PXYLP1: variants seen among roughly 807,000 people sequenced by gnomAD.
The protein encoded by PXYLP1 is acid phosphatase-like 2.
Under a neutral mutation model 37.9 loss-of-function variants are expected in PXYLP1, and 17 were observed. That is an observed-to-expected ratio of 0.45 (90% CI 0.31 to 0.67). The LOEUF is 0.67. Ranked by LOEUF, PXYLP1 falls within the 30% of genes least tolerant of loss-of-function variation. PXYLP1 has a pLI of 0.07. For synonymous variants in PXYLP1, 221 were observed against 232.2 expected (o/e 0.95, Z 0.44); for missense variants, 511 against 612.0 (o/e 0.84, Z 1.74).
chr3:141,253,138 G>A (rs1240942043), intron 1 of PXYLP1, among the ~76,000 whole-genome samples: 1 of 152,202 alleles, frequency 6.6e-6, no homozygotes, highest in Non-Finnish European at 1.5e-5. Flanking sequence ...AGTCAGCTTA[G>A]TGCCCAGAGG....
At chr3:141,290,586 A>G (rs1193376270) in intron 5 of PXYLP1, among the ~76,000 whole-genome samples, 5 of 152,142 alleles carry the variant, frequency 3.3e-5, no homozygotes, top group African/African-American at 1.2e-4. Context: ...CCCTAGGGAG[A>G]GAAAGGGGAA....
chr3:141,261,448 A>AT (rs1010075249), intron 2 of PXYLP1, among the ~76,000 whole-genome samples: 7 of 152,172 alleles, frequency 4.6e-5, no homozygotes, highest in Non-Finnish European at 7.3e-5. Flanking sequence ...GATTAGTGCC[A>AT]TTTTTTTCAG....
intron 1 of PXYLP1, among the ~76,000 whole-genome samples, chr3:141,259,003 C>A (rs972283458): frequency 1.7e-4 from 26 of 152,196 alleles, no homozygotes; most frequent in Non-Finnish European, 3.5e-4. Context: ...CTACTGGGCC[C>A]TTGGGGAGGA....
At chr3:141,271,476 G>A (rs1406674105) in intron 2 of PXYLP1, among the ~76,000 whole-genome samples, 2 of 152,188 alleles carry the variant, frequency 1.3e-5, no homozygotes, top group African/African-American at 2.4e-5. Flanking sequence ...AGTGGAGCTG[G>A]ACCTTGGCCC....
intron 1 of PXYLP1, among the ~76,000 whole-genome samples, chr3:141,252,209 G>T (rs1044707245): frequency 5.9e-5 from 9 of 152,176 alleles, no homozygotes; most frequent in African/African-American, 2.2e-4. Context: ...GCAGGGCAAA[G>T]AACATTGAGT....
chr3:141,280,888 G>C (rs1411788924), intron 4 of PXYLP1, among the ~76,000 whole-genome samples: 5 of 152,190 alleles, frequency 3.3e-5, no homozygotes, highest in African/African-American at 1.2e-4. Flanking sequence ...CTAGCTGGCG[G>C]TCCACAAGTT....
At chr3:141,238,412 C>T (rs1179684681) in intron 1 of PXYLP1, among the ~76,000 whole-genome samples, 1 of 152,210 alleles carries the variant, frequency 6.6e-6, no homozygotes, top group Non-Finnish European at 1.5e-5. Flanking sequence ...CCAGAAAATC[C>T]TTCTGTGATT....
intron 1 of PXYLP1, among the ~76,000 whole-genome samples, chr3:141,237,092 G>C (rs16851162): frequency 0.019 from 2,829 of 152,254 alleles, 104 homozygotes; most frequent in African/African-American, 0.064. Flanking sequence ...TGGTTAAAAG[G>C]CTTCCTCTAG....
chr3:141,262,447 G>A (rs1002350425), intron 2 of PXYLP1: 5 of 722,992 alleles, frequency 6.9e-6, no homozygotes, highest in African/African-American at 5.5e-5. Context: ...ATTTTGAGAG[G>A]CTGACAGGTT....
chr3:141,289,711 A>G (rs911015919), intron 5 of PXYLP1, among the ~76,000 whole-genome samples: 17 of 152,172 alleles, frequency 1.1e-4, no homozygotes, highest in Non-Finnish European at 2.5e-4. Context: ...TTACAGTCCC[A>G]GCCACACACA....
At chr3:141,252,373 T>C (rs998834031) in intron 1 of PXYLP1, among the ~76,000 whole-genome samples, 2 of 152,168 alleles carry the variant, frequency 1.3e-5, no homozygotes, top group Non-Finnish European at 2.9e-5. Flanking sequence ...GGTTATGCAG[T>C]CTGTAAGAAG....
chr3:141,255,190 G>T (rs930241114), intron 1 of PXYLP1, among the ~76,000 whole-genome samples: 10 of 152,324 alleles, frequency 6.6e-5, no homozygotes, highest in Admixed American at 1.3e-4. Context: ...AGGTTGAATT[G>T]AGTTAGCTGG....
intron 1 of PXYLP1, among the ~76,000 whole-genome samples, chr3:141,242,570 A>C (rs1940835187): frequency 6.6e-6 from 1 of 152,184 alleles, no homozygotes; most frequent in African/African-American, 2.4e-5. Flanking sequence ...GGTGGACTGG[A>C]GACAGTGCTG....
chr3:141,291,714 G>A (rs1942213833), intron 5 of PXYLP1: 1 of 156,482 alleles, frequency 6.4e-6, no homozygotes, highest in African/African-American at 2.4e-5. Flanking sequence ...CCCAGGATCA[G>A]GCAGAACGTA....
At chr3:141,262,970 CAT>C (rs1941428771) in intron 2 of PXYLP1, among the ~76,000 whole-genome samples, 2 of 152,202 alleles carry the variant, frequency 1.3e-5, no homozygotes, top group South Asian at 4.2e-4. Context: ...CTTTAAGTAA[CAT>C]ATTTGAGGCA....
chr3:141,246,965 G>T (rs527812802), intron 1 of PXYLP1, among the ~76,000 whole-genome samples: 1 of 152,314 alleles, frequency 6.6e-6, no homozygotes, highest in African/African-American at 2.4e-5. Flanking sequence ...CAGCTCACCA[G>T]AGTCCTCCCA....
chr3:141,236,252 T>C (rs182888074), intron 1 of PXYLP1: 2 of 152,154 alleles, frequency 1.3e-5, no homozygotes, highest in Non-Finnish European at 2.9e-5. Flanking sequence ...ATTTCCCCAA[T>C]TTACACACTC....
At chr3:141,243,709 G>C (rs1940868603) in intron 1 of PXYLP1, among the ~76,000 whole-genome samples, 1 of 152,212 alleles carries the variant, frequency 6.6e-6, no homozygotes, top group African/African-American at 2.4e-5. Context: ...TCTGGGTTCG[G>C]CAGGTGGATG....
chr3:141,256,135 T>C (rs1407097166), intron 1 of PXYLP1, among the ~76,000 whole-genome samples: 1 of 152,150 alleles, frequency 6.6e-6, no homozygotes. Context: ...CGACTCCTTG[T>C]GTTTAGATTG....
Sources: allele counts gnomAD v4.1 joint callset (sites outside exome capture counted in the v4.1 genomes callset), GRCh38; gene constraint gnomAD v4.1.1; transcripts MANE v1.5; gene names NCBI Gene and HGNC (gene_info 2026-07-23, HGNC 2026-07-21).